The following SPTBN1 variants were observed in gnomAD, a reference collection of about 807,000 sequenced individuals.
SPTBN1 encodes spectrin beta, non-erythrocytic 1.
Under a neutral mutation model 266.4 loss-of-function variants are expected in SPTBN1, and 32 were observed. That is an observed-to-expected ratio of 0.12 (90% confidence interval 0.09 to 0.16). The LOEUF is 0.16. Among genes scored for constraint, SPTBN1 ranks in the 10% least tolerant of loss-of-function variants. SPTBN1 has a pLI of 1.00. For missense variants in SPTBN1, 2,296 were observed against 3,067.1 expected (o/e 0.75, Z 5.94); for synonymous variants, 1,336 against 1,162.2 (o/e 1.15, Z -3.04).
chr2:54,469,967 T>C (rs1385505884), intron 1 of SPTBN1, among the ~76,000 whole-genome samples: 1 of 152,208 alleles, frequency 6.6e-6, no homozygotes, highest in Admixed American at 6.5e-5. Context: ...ACATCCTGTC[T>C]TTCATTCTCT....
chr2:54,553,699 A>G (rs1223976001), intron 2 of SPTBN1, among the ~76,000 whole-genome samples: 1 of 152,082 alleles, frequency 6.6e-6, no homozygotes, highest in Non-Finnish European at 1.5e-5. Context: ...CAGCTCTCGG[A>G]TTGGTTTTTC....
At chr2:54,456,936 A>C (rs917973674) in intron 1 of SPTBN1, among the ~76,000 whole-genome samples, 1 of 139,518 alleles carries the variant, frequency 7.2e-6, no homozygotes, top group South Asian at 2.4e-4. Flanking sequence ...TGCGGAGCGG[A>C]CAGCGGACAG....
intron 1 of SPTBN1, among the ~76,000 whole-genome samples, chr2:54,503,456 T>C (rs1669383041): frequency 6.6e-6 from 1 of 152,140 alleles, no homozygotes; most frequent in Non-Finnish European, 1.5e-5. Context: ...TTCAGAGAAA[T>C]CTCTTTGACA....
intron 4 of SPTBN1, among the ~76,000 whole-genome samples, chr2:54,612,575 A>T (rs568599897): frequency 6.6e-6 from 1 of 152,284 alleles, no homozygotes; most frequent in South Asian, 2.1e-4. Flanking sequence ...TGTCAGACAC[A>T]TCTCAGCGGC....
At position 54,622,490 on chromosome 2, in the gene SPTBN1, A is replaced by G. The variant is rs1678057994; in HGVS notation, c.1064+3A>G. The G allele has an allele frequency of 6.2e-7, 1 of 1,613,864 alleles. No individual in the cohort carries two copies. The highest frequency in any genetic ancestry group is 1.7e-5 in the Admixed American group (1 of 60,018). On this transcript the variant is annotated splice_donor_region_variant and intron_variant, in intron 9 of 35. Transcript: ENST00000356805. The stretch of plus-strand genomic sequence containing the variant: ...CGCACTGTGGAGAAACCACCCAAGT[A>G]AGATGCATATTGTAGTGTGATCATT...
intron 2 of SPTBN1, among the ~76,000 whole-genome samples, chr2:54,597,956 A>AT (rs942207435): frequency 5.5e-4 from 78 of 141,704 alleles, no homozygotes; most frequent in Admixed American, 1.4e-3. Flanking sequence ...GATTTTTGGC[A>AT]TAAATTCATG....
intron 1 of SPTBN1, among the ~76,000 whole-genome samples, chr2:54,517,970 G>C (rs1193131248): frequency 6.6e-6 from 1 of 150,814 alleles, no homozygotes; most frequent in Non-Finnish European, 1.5e-5. Context: ...TTAAACAGTG[G>C]ATATGTTTCT....
chr2:54,599,184 G>T lies in SPTBN1; in HGVS notation c.241G>T (p.Asp81Tyr). 6.2e-7 allele frequency: 1 copy of T among 1,614,186 alleles called. No homozygotes were observed. The highest frequency in any genetic ancestry group is 8.5e-7 in the Non-Finnish European group (1 of 1,180,044). The change falls in exon 3 of 36, where the codon GAC becomes TAC. Residue 81 changes from aspartate to tyrosine, a missense_variant. By Grantham distance (160) the Asp-to-Tyr change is radical. Around this residue, in one of 12 missense-constraint regions of SPTBN1, gnomAD observed 178 missense variants for 375.7 expected, o/e 0.47. Coordinates refer to ENST00000356805, the MANE Select transcript of SPTBN1 (RefSeq NM_003128.3). ...VSCRITDLYTDLRDGRMLIKL... is the reference protein window; with the variant it reads ...VSCRITDLYTYLRDGRMLIKL... ...CTGCCGGATCACAGACCTGTACACTGACCTTCGAGATGGACGGATGCTCAT... is the reference window on the plus strand; with the variant it reads ...CTGCCGGATCACAGACCTGTACACTTACCTTCGAGATGGACGGATGCTCAT...
At chr2:54,529,743 A>T (rs748852732) in intron 2 of SPTBN1, 48 of 671,568 alleles carry the variant, frequency 7.1e-5, no homozygotes, top group Non-Finnish European at 1.1e-4. Context: ...AGATGAAGGC[A>T]TATGTTCCAC....
intron 2 of SPTBN1, among the ~76,000 whole-genome samples, chr2:54,552,231 T>C (rs974863507): frequency 2.0e-5 from 3 of 152,232 alleles, no homozygotes; most frequent in Non-Finnish European, 2.9e-5. Context: ...GAATTAATTT[T>C]TGAAATTTCT....
At chr2:54,594,772 A>C (rs1462406047) in intron 2 of SPTBN1, among the ~76,000 whole-genome samples, 1 of 151,610 alleles carries the variant, frequency 6.6e-6, no homozygotes. Flanking sequence ...AGTGATTTAC[A>C]TAACTTCTAA....
In SPTBN1 at chr2:54,572,857, G is replaced by A. The variant is rs1214695844; in HGVS notation, c.149-26235G>A. 2.6e-5 allele frequency among the ~76,000 whole-genome samples: 4 copies of A among 152,282 alleles called. No homozygotes were observed. In the East Asian group the frequency reaches 5.8e-4, roughly 22 times the overall value. ...TTTATCAGGGTAGTAAATTCAGATGGGTTTTTGGAAAGGGAGAGGGCTGGA... is the reference window on the plus strand; with the variant it reads ...TTTATCAGGGTAGTAAATTCAGATGAGTTTTTGGAAAGGGAGAGGGCTGGA... On this transcript the variant is annotated intron_variant, in intron 2 of 35. Transcript: ENST00000356805.
intron 2 of SPTBN1, among the ~76,000 whole-genome samples, chr2:54,590,247 T>G (rs918782275): frequency 1.3e-5 from 2 of 152,218 alleles, no homozygotes; most frequent in Non-Finnish European, 1.5e-5. Flanking sequence ...CAAGAAGCAG[T>G]TCACCTGTCA....
chr2:54,629,383 A>G lies in SPTBN1; in HGVS notation c.2249A>G (p.Gln750Arg). The change falls in exon 14 of 36, where the codon CAG becomes CGG. Residue 750 changes from glutamine (Q) to arginine (R), a missense_variant. By Grantham distance (43) the Gln-to-Arg change is conservative. Coordinates refer to ENST00000356805, the MANE Select transcript of SPTBN1 (RefSeq NM_003128.3). ...GAGGCCTCCCTGCTGCACCAGTTCC[A>G]GGCAGATGCTGATGACATTGATGCC... ...LEEASLLHQF[Q>R]ADADDIDAWM... The G allele has an allele frequency of 6.2e-7, 1 of 1,614,160 alleles. No homozygotes were observed. The highest frequency in any genetic ancestry group is 8.5e-7 in the Non-Finnish European group (1 of 1,180,046).
intron 9 of SPTBN1, 125 bp downstream of exon 9, chr2:54,622,612 C>T: frequency 4.6e-6 from 5 of 1,092,494 alleles, no homozygotes; most frequent in East Asian, 2.5e-5. Context: ...GTGTGTCCTA[C>T]TCCTTTTCAT....
intron 2 of SPTBN1, among the ~76,000 whole-genome samples, chr2:54,561,830 T>C (rs571373069): frequency 6.7e-4 from 96 of 142,652 alleles, no homozygotes; most frequent in African/African-American, 2.8e-3. Flanking sequence ...TTATGGTTTG[T>C]AGAGATTTAT....
intron 1 of SPTBN1, among the ~76,000 whole-genome samples, chr2:54,494,378 G>A (rs1422582158): frequency 6.6e-6 from 1 of 151,720 alleles, no homozygotes; most frequent in Non-Finnish European, 1.5e-5. Flanking sequence ...TCAATTCCGA[G>A]GTATTTAACT....
chr2:54,632,199 A>G (rs1038737073), intron 16 of SPTBN1, among the ~76,000 whole-genome samples: 4 of 152,070 alleles, frequency 2.6e-5, no homozygotes, highest in Admixed American at 2.6e-4. Context: ...TTAGAGAAAT[A>G]AAAACAGCTG....
At chr2:54,642,532 T>TG (rs36069978) in intron 18 of SPTBN1, among the ~76,000 whole-genome samples, 14,304 of 110,758 alleles carry the variant, frequency 0.13, 965 homozygotes, top group Non-Finnish European at 0.2. Flanking sequence ...ATAAGTAGTT[T>TG]TTTTTTTTTT....
Sources: allele counts gnomAD v4.1 joint callset (sites outside exome capture counted in the v4.1 genomes callset), GRCh38; gene constraint gnomAD v4.1.1; regional missense constraint gnomAD v4.1.1; transcripts MANE v1.5; gene names NCBI Gene and HGNC (gene_info 2026-07-23, HGNC 2026-07-21).